The following FOXP2 variants were observed in gnomAD, a reference collection of about 807,000 sequenced individuals.
FOXP2 encodes forkhead box P2.
FOXP2 carries 12 observed loss-of-function variants against 115.8 expected under a neutral mutation model. The observed-to-expected ratio is 0.10, with a 90% CI of 0.07 to 0.17. FOXP2 has a LOEUF of 0.17. FOXP2 is among the 10% of genes least tolerant of loss of function. The pLI, the probability that FOXP2 is intolerant of heterozygous loss-of-function variation, is 1.00. For synonymous variants in FOXP2, 328 were observed against 297.7 expected, an observed-to-expected ratio of 1.10 and a Z score of -1.05; for missense variants, 629 against 843.5, an observed-to-expected ratio of 0.75 and a Z score of 3.15.
chr7:114,424,086 A>G (rs546072944), intron 1 of FOXP2, among the ~76,000 whole-genome samples: 1 of 151,702 alleles, frequency 6.6e-6, no homozygotes, highest in South Asian at 2.1e-4. Context: ...ACAAGGGCTA[A>G]GAATAAAATC....
At chr7:114,335,070 G>T (rs1226719441) in intron 2 of FOXP2, among the ~76,000 whole-genome samples, 1 of 150,692 alleles carries the variant, frequency 6.6e-6, no homozygotes, top group Non-Finnish European at 1.5e-5. Context: ...ACTGGGTGAT[G>T]AGTTATACTG....
intron 1 of FOXP2, among the ~76,000 whole-genome samples, chr7:114,237,489 ATTTTCTT>A (rs1460769061): frequency 2.0e-5 from 3 of 152,186 alleles, no homozygotes; most frequent in Non-Finnish European, 4.4e-5. Flanking sequence ...CAATGGCTAA[ATTTTCTT>A]TATTAAGCCT....
intron 1 of FOXP2, among the ~76,000 whole-genome samples, chr7:114,111,614 A>C (rs1791269035): frequency 6.6e-6 from 1 of 152,028 alleles, no homozygotes; most frequent in South Asian, 2.1e-4. Flanking sequence ...CTTTGGTCAC[A>C]TTTTTGCTAT....
chr7:114,215,060 T>G lies in FOXP2; in HGVS notation c.-102+51972T>G, dbSNP rs575301269. ...CTATTAATATTTTTTAGAATTGATA[T>G]TTGTAAAGCATTTTAAATGTAGGAG... On this transcript the variant is annotated intron_variant, in intron 1 of 17. Coordinates refer to the FOXP2 transcript ENST00000634411. Among the ~76,000 whole-genome samples, 6 of 152,306 alleles carry G rather than the reference T, an allele frequency of 3.9e-5. No individual in the cohort carries two copies. In the East Asian group the frequency reaches 9.6e-4, roughly 24 times the overall value.
In FOXP2 at chr7:114,192,280, C is replaced by T. The variant is rs112454979; in HGVS notation, c.-102+29192C>T. ...GATTACAGACATGAGCCACTGCGCC[C>T]GGCCTCTCCTTGTCTTTTTATGGTT... On this transcript the variant is annotated intron_variant, in intron 1 of 17. Coordinates refer to the FOXP2 transcript ENST00000634411. 9.1e-3 allele frequency among the ~76,000 whole-genome samples: 1,390 copies of T among 152,236 alleles called. 28 individuals carry two copies. The highest frequency in any genetic ancestry group is 0.03 in the African/African-American group (1,239 of 41,550).
rs1803776854 is a variant in FOXP2, at chr7:114,613,901, A to T, written c.259-14639A>T. 2 of 152,038 alleles carry T rather than the reference A, an allele frequency of 1.3e-5. 1 individual carries two copies. The highest frequency in any genetic ancestry group is 4.2e-4 in the South Asian group (2 of 4,816). 9.4% of individuals were successfully genotyped at this position (152,038 alleles called of 1,614,324 possible). ...TGAGTGCATTCAGAGTGGTATGGCC[A>T]TAGATTCCTCATTTATTTCTGTGAC... is the stretch of plus-strand genomic sequence containing the variant. On this transcript the variant is annotated intron_variant, in intron 3 of 16. Coordinates refer to ENST00000350908, the MANE Select transcript of FOXP2 (RefSeq NM_014491.4).
intron 2 of FOXP2, among the ~76,000 whole-genome samples, chr7:114,487,155 C>T (rs1796826639): frequency 6.6e-6 from 1 of 152,212 alleles, no homozygotes; most frequent in South Asian, 2.1e-4. Flanking sequence ...AATTTGCGTA[C>T]ATCCTCTGAA....
At chr7:114,122,809 A>T (rs958966923) in intron 1 of FOXP2, among the ~76,000 whole-genome samples, 1 of 152,032 alleles carries the variant, frequency 6.6e-6, no homozygotes, top group African/African-American at 2.4e-5. Flanking sequence ...AATACACATA[A>T]TTTTTAAGGA....
intron 1 of FOXP2, among the ~76,000 whole-genome samples, chr7:114,240,152 C>T (rs1453434336): frequency 2.6e-5 from 4 of 152,104 alleles, no homozygotes; most frequent in Admixed American, 1.3e-4. Flanking sequence ...TTATTGTCTT[C>T]CTTGCTTTGT....
chr7:114,200,519 A>G (rs538668286), intron 1 of FOXP2, among the ~76,000 whole-genome samples: 1 of 152,328 alleles, frequency 6.6e-6, no homozygotes, highest in African/African-American at 2.4e-5. Context: ...TTCTCTGGCA[A>G]AAGTGACATT....
At chr7:114,319,181 C>T (rs943097443) in intron 2 of FOXP2, among the ~76,000 whole-genome samples, 6 of 151,890 alleles carry the variant, frequency 4.0e-5, no homozygotes, top group East Asian at 2.0e-4. Flanking sequence ...GGGTCCCTCA[C>T]GTGGGAAACT....
At chr7:114,688,150 T>A (rs1347855377) in intron 16 of FOXP2, among the ~76,000 whole-genome samples, 7 of 150,730 alleles carry the variant, frequency 4.6e-5, no homozygotes, top group African/African-American at 1.7e-4. Flanking sequence ...TCCTTTCTTT[T>A]AATTTTTCCT....
chr7:114,490,501 G>A (rs1199217457), intron 2 of FOXP2, among the ~76,000 whole-genome samples: 1 of 151,724 alleles, frequency 6.6e-6, no homozygotes, highest in Admixed American at 6.6e-5. Flanking sequence ...GTGGATGCAT[G>A]TCATTACACT....
rs1417331182 is a variant in FOXP2 at position 114,629,954 on chromosome 7, G to GCAGCAA, written c.552_557dup (p.Gln190_Gln191dup). 1.9e-6 allele frequency: 3 copies of GCAGCAA among 1,599,638 alleles called. No individual in the cohort carries two copies. Among genetic ancestry groups the GCAGCAA allele is most frequent in the Non-Finnish European group, 2.6e-6 (3 of 1,175,570 alleles). On this transcript the variant is annotated inframe_insertion, in exon 5 of 17. Transcript: ENST00000350908. ...AACAGCAGCAACAACAGCAGCAGCA[G>GCAGCAA]CAGCAACAGCAGCAGCAGCAGCAAC...
At chr7:114,334,280 G>A (rs1013104040) in intron 2 of FOXP2, among the ~76,000 whole-genome samples, 5 of 151,798 alleles carry the variant, frequency 3.3e-5, no homozygotes, top group African/African-American at 7.3e-5. Flanking sequence ...ATTAGTGCTT[G>A]AGTCTGAAAG....
intron 3 of FOXP2, among the ~76,000 whole-genome samples, chr7:114,543,625 A>G (rs1799787543): frequency 6.6e-6 from 1 of 152,218 alleles, no homozygotes; most frequent in Admixed American, 6.5e-5. Context: ...AAAAATCCAT[A>G]TGAGTTTAGG....
intron 3 of FOXP2, among the ~76,000 whole-genome samples, chr7:114,620,813 T>C (rs1804209372): frequency 6.6e-6 from 1 of 152,042 alleles, no homozygotes; most frequent in African/African-American, 2.4e-5. Flanking sequence ...ATTCCTTTGC[T>C]TTCATAAAAA....
intron 2 of FOXP2, among the ~76,000 whole-genome samples, chr7:114,385,101 T>C (rs116101328): frequency 0.077 from 11,683 of 151,574 alleles, 482 homozygotes; most frequent in Middle Eastern, 0.15. Flanking sequence ...CTCGGGGCCC[T>C]GGCAAGGGTG....
intron 1 of FOXP2, among the ~76,000 whole-genome samples, chr7:114,262,486 C>T (rs1795780740): frequency 6.6e-6 from 1 of 152,030 alleles, no homozygotes; most frequent in South Asian, 2.1e-4. Flanking sequence ...ACTCAGTATA[C>T]CCAGGTAACA....
Sources: allele counts gnomAD v4.1 joint callset (sites outside exome capture counted in the v4.1 genomes callset), GRCh38; gene constraint gnomAD v4.1.1; transcripts MANE v1.5; gene names NCBI Gene and HGNC (gene_info 2026-07-23, HGNC 2026-07-21).